Variants in KRT81 observed in about 807,000 individuals in gnomAD.
KRT81 encodes keratin, type II cuticular Hb1.
Under a neutral mutation model 35.8 loss-of-function variants are expected in KRT81, and 35 were observed. The ratio of observed to expected loss-of-function variants is 0.98; its 90% CI spans 0.75 to 1.30. KRT81 has a LOEUF of 1.30. Among genes scored for constraint, KRT81 ranks in the 50% most tolerant of loss-of-function variants. The pLI, the probability that KRT81 is intolerant of heterozygous loss-of-function variation, is 0.00. For synonymous variants in KRT81, 249 were observed against 251.2 expected (o/e 0.99, Z 0.08); for missense variants, 531 against 577.4 (o/e 0.92, Z 0.82).
chr12:52,286,221 A>G lies in KRT81; in HGVS notation c.*34T>C, dbSNP rs377645057. 450 of 1,532,866 alleles carry G rather than the reference A, an allele frequency of 2.9e-4. No homozygotes were observed. The highest frequency in any genetic ancestry group is 3.6e-4 in the Non-Finnish European group (405 of 1,130,138). 95.0% of individuals were successfully genotyped at this position (1,532,866 alleles called of 1,614,324 possible). A position where few individuals can be genotyped will look rare whatever the true frequency, so the allele number is the denominator to read the frequency against. The stretch of plus-strand genomic sequence containing the variant: ...TGGGCCAAGCAAGGCAGGGCAGGAA[A>G]GATGCCTGGGGCCTGGGACTTGAGT... On this transcript the variant is annotated 3_prime_UTR_variant, in exon 9 of 9. Transcript: ENST00000327741.
chr12:52,287,476 G>A (rs1937984996), intron 6 of KRT81, 120 bp downstream of exon 6: 14 of 1,594,364 alleles, frequency 8.8e-6, no homozygotes, highest in Non-Finnish European at 1.2e-5. Context: ...CACGACCAGG[G>A]ACTCTACATG....
chr12:52,286,375 G>T lies in KRT81; in HGVS notation c.1398C>A (p.Gly466=), dbSNP rs759867430. ...TCAATTGGCCGCAGGGCGCACACAG[G>T]CCGGTGCTCACCGCCACGTTCCCGT... The part of the protein sequence containing the change: ...PCNGNVAVST[G]LCAPCGQLNT... The change falls in exon 9 of 9, where the codon GGC becomes GGA. Residue 466 remains glycine, a synonymous_variant. Coordinates refer to ENST00000327741, the MANE Select transcript of KRT81 (RefSeq NM_002281.4). 9.0e-6 allele frequency: 14 copies of T among 1,555,306 alleles called. No homozygotes were observed. Among genetic ancestry groups the T allele is most frequent in the Non-Finnish European group, 8.7e-7 (1 of 1,149,154 alleles).
chr12:52,288,527 T>G, intron 3 of KRT81, 71 bp from the exon 4 acceptor site: 1 of 1,563,396 alleles, frequency 6.4e-7, no homozygotes, highest in Non-Finnish European at 8.8e-7. Flanking sequence ...TCTCTGCCCA[T>G]CCATTCCATG....
intron 8 of KRT81, 29 bp downstream of exon 8, chr12:52,286,762 T>A (rs756945756): frequency 1.2e-6 from 2 of 1,610,558 alleles, no homozygotes; most frequent in Non-Finnish European, 1.7e-6. Flanking sequence ...AGTTAGTAAA[T>A]CTGTCCACAC....
At chr12:52,288,623 T>C (rs1938044939) in intron 3 of KRT81, among the ~76,000 whole-genome samples, 167 bp from the exon 4 acceptor site, 1 of 152,054 alleles carries the variant, frequency 6.6e-6, no homozygotes, top group African/African-American at 2.4e-5. Flanking sequence ...GCATCCTCTG[T>C]CCCTCTGATG....
chr12:52,286,694 C>A (rs1937950738), intron 8 of KRT81, 97 bp downstream of exon 8: 1 of 1,388,152 alleles, frequency 7.2e-7, no homozygotes, highest in Non-Finnish European at 1.0e-6. Flanking sequence ...CCAGCCCACT[C>A]TTTTATATTC....
intron 6 of KRT81, 45 bp downstream of exon 6, chr12:52,287,551 G>T: frequency 6.2e-7 from 1 of 1,613,898 alleles, no homozygotes; most frequent in Non-Finnish European, 8.5e-7. Flanking sequence ...TGTGACAATG[G>T]TTAGGCCCTC....
rs751509447 is a variant in KRT81, at chr12:52,287,055, C to T, written c.1247+47G>A. On this transcript the variant is annotated intron_variant, in intron 7 of 8. Coordinates refer to ENST00000327741, the MANE Select transcript of KRT81 (RefSeq NM_002281.4). ...AGCCAAGGCCAAGGGTAGGCTTGTG[C>T]CAGGGATGGGGAAGGGTGGTTCTGG... 2.5e-6 allele frequency: 4 copies of T among 1,612,412 alleles called. No homozygotes were observed. In the East Asian group the frequency reaches 6.7e-5, roughly 27 times the overall value.
intron 3 of KRT81, 104 bp from the exon 4 acceptor site, chr12:52,288,560 G>C (rs976546874): frequency 2.9e-6 from 4 of 1,358,090 alleles, no homozygotes; most frequent in Non-Finnish European, 4.2e-6. Context: ...AGCAGTCCCT[G>C]GTGTCCCATT....
chr12:52,287,640 T>C lies in KRT81; in HGVS notation c.982A>G (p.Met328Val), dbSNP rs772284845. Residue 328 changes from methionine to valine, a missense_variant, in exon 6 of 9, where the codon ATG becomes GTG. Physicochemically the swap from Met to Val is conservative, Grantham distance 21. Around this residue, in one of 5 missense-constraint regions of KRT81, gnomAD observed 194 missense variants for 198.2 expected, o/e 0.98. Coordinates refer to ENST00000327741, the MANE Select transcript of KRT81 (RefSeq NM_002281.4). ...ACCTCGGCCGTCAGCCTTTGGATCA[T>C]GCGGTTCAGCTCATTGATCTCCTCC... Reference protein sequence around the residue: ...TKEEINELNRMIQRLTAEVEN... With the variant: ...TKEEINELNRVIQRLTAEVEN... 6 of 1,613,832 alleles carry C rather than the reference T, an allele frequency of 3.7e-6. No homozygotes were observed. Among genetic ancestry groups the C allele is most frequent in the Non-Finnish European group, 5.1e-6 (6 of 1,179,864 alleles).
chr12:52,287,005 T>TC, intron 7 of KRT81, 97 bp downstream of exon 7: 1 of 1,602,742 alleles, frequency 6.2e-7, no homozygotes, highest in Non-Finnish European at 8.5e-7. Context: ...AATATTTTTT[T>TC]CCCCCAGAGC....
At position 52,288,072 on chromosome 12, in the gene KRT81, A is replaced by G. The variant is rs144356330; in HGVS notation, c.812T>C (p.Met271Thr). 2 of 1,614,174 alleles carry G rather than the reference A, an allele frequency of 1.2e-6. No homozygotes were observed. The highest frequency in any genetic ancestry group is 2.2e-5 in the East Asian group (1 of 44,884). ...VKLDNSRDLNMDCIIAEIKAQ... is the reference protein window; with the variant it reads ...VKLDNSRDLNTDCIIAEIKAQ... ...CTTAATCTCGGCAATGATGCAGTCCATGTTCAGGTCCCGGCTGTTGTCCAG... is the reference window on the plus strand; with the variant it reads ...CTTAATCTCGGCAATGATGCAGTCCGTGTTCAGGTCCCGGCTGTTGTCCAG... The change falls in exon 5 of 9, where the codon ATG becomes ACG. Residue 271 changes from methionine (M) to threonine (T), a missense_variant. Around this residue, in one of 5 missense-constraint regions of KRT81, gnomAD observed 194 missense variants for 198.2 expected, o/e 0.98. Coordinates refer to ENST00000327741, the MANE Select transcript of KRT81 (RefSeq NM_002281.4).
chr12:52,286,799 A>G lies in KRT81; in HGVS notation c.1271T>C (p.Val424Ala), dbSNP rs1937956289. 1.2e-6 allele frequency: 2 copies of G among 1,613,914 alleles called. No homozygotes were observed. Among genetic ancestry groups the G allele is most frequent in the Non-Finnish European group, 1.7e-6 (2 of 1,179,968 alleles). The change falls in exon 8 of 9, where the codon GTG (valine) becomes GCG (alanine). Residue 424 changes from valine to alanine, a missense_variant. Coordinates refer to ENST00000327741, the MANE Select transcript of KRT81 (RefSeq NM_002281.4). Reference sequence around the variant, plus strand: ...GGACCCCAAATACTCACAGACATTCACAGCCCCAATGCCTTCACATAGCCT... The same window carrying G: ...GGACCCCAAATACTCACAGACATTCGCAGCCCCAATGCCTTCACATAGCCT... ...EQRLCEGIGAVNVCVSSSRGG... is the reference protein window; with the variant it reads ...EQRLCEGIGAANVCVSSSRGG...
At chr12:52,288,566 C>T (rs1938041496) in intron 3 of KRT81, 110 bp from the exon 4 acceptor site, 14 of 1,299,892 alleles carry the variant, frequency 1.1e-5, no homozygotes, top group Non-Finnish European at 1.2e-5. Flanking sequence ...CCCTGGTGTC[C>T]CATTCCCATG....
Position 52,286,150 on chromosome 12 carries a change from G to C in KRT81, c.*105C>G, listed in dbSNP as rs1937920455. The C allele has an allele frequency of 1.1e-6, 1 of 914,554 alleles. No homozygotes were observed. The highest frequency in any genetic ancestry group is 1.8e-6 in the Non-Finnish European group (1 of 570,530). 56.7% of individuals were successfully genotyped at this position (914,554 alleles called of 1,614,324 possible). A position where few individuals can be genotyped will look rare whatever the true frequency, so the allele number is the denominator to read the frequency against. On this transcript the variant is annotated 3_prime_UTR_variant, in exon 9 of 9. Transcript: ENST00000327741. ...CCAGGAGTGGGAGGGGTCTTTCAAA[G>C]TGCAGGAGAAGTAGCTGAGCACTTG...
At position 52,286,702 on chromosome 12, in the gene KRT81, T is replaced by C. The variant is rs915609232; in HGVS notation, c.1279+89A>G. 7 of 1,427,534 alleles carry C rather than the reference T, an allele frequency of 4.9e-6. No homozygotes were observed. In the Admixed American group the frequency reaches 5.2e-5, roughly 11 times the overall value. The allele number at this position is 1,427,534 out of a possible 1,614,324, so 88.4% of individuals were successfully genotyped here. On this transcript the variant is annotated intron_variant, in intron 8 of 8. Transcript: ENST00000327741. ...TGTGATGCCAGCCCACTCTTTTATA[T>C]TCAATCTCAGTAACACTCCTTTTTC...
At position 52,291,215 on chromosome 12, in the gene KRT81, T is replaced by C. The variant is rs1938106373; in HGVS notation, c.251A>G (p.Asn84Ser). ...GTTGAGGGGCGTGAGGAGGCTCTCG[T>C]TGACCGACACGGTGGTGATGCATGG... ...SPPCITTVSV[N>S]ESLLTPLNLE... The change falls in exon 1 of 9, where the codon AAC becomes AGC. Residue 84 changes from asparagine (N) to serine (S), a missense_variant. Coordinates refer to ENST00000327741, the MANE Select transcript of KRT81 (RefSeq NM_002281.4). The C allele has an allele frequency of 7.6e-6, 11 of 1,456,090 alleles. No homozygotes were observed. Among genetic ancestry groups the C allele is most frequent in the East Asian group, 2.5e-5 (1 of 39,886 alleles). 90.2% of individuals were successfully genotyped at this position (1,456,090 alleles called of 1,614,324 possible). A position where few individuals can be genotyped will look rare whatever the true frequency, so the allele number is the denominator to read the frequency against.
chr12:52,287,558 C>T (rs759261446), intron 6 of KRT81, 38 bp downstream of exon 6: 1 of 1,613,880 alleles, frequency 6.2e-7, no homozygotes, highest in Non-Finnish European at 8.5e-7. Context: ...ATGGTTAGGC[C>T]CTCGGTCTCT....
chr12:52,291,479 G>T lies in KRT81; in HGVS notation c.-14C>A. ...TCCGCAGGTCATGATCCTCCTGGAC[G>T]TTTGGGTTGCAGAGGACAGGATAGG... is the stretch of plus-strand genomic sequence containing the variant. On this transcript the variant is annotated 5_prime_UTR_variant, in exon 1 of 9. Coordinates refer to ENST00000327741, the MANE Select transcript of KRT81 (RefSeq NM_002281.4). 1 of 1,612,568 alleles carries T rather than the reference G, an allele frequency of 6.2e-7. No homozygotes were observed. Among genetic ancestry groups the T allele is most frequent in the Non-Finnish European group, 8.5e-7 (1 of 1,179,382 alleles).
Sources: allele counts gnomAD v4.1 joint callset (sites outside exome capture counted in the v4.1 genomes callset), GRCh38; gene constraint gnomAD v4.1.1; regional missense constraint gnomAD v4.1.1; transcripts MANE v1.5; gene names NCBI Gene and HGNC (gene_info 2026-07-23, HGNC 2026-07-21).